Variants in COL25A1 observed in about 807,000 individuals in gnomAD.
COL25A1 encodes the protein collagen alpha-1(XXV) chain.
A neutral mutation model predicts 128.4 loss-of-function variants in COL25A1; 103 were observed. The ratio of observed to expected loss-of-function variants is 0.80; its 90% CI spans 0.68 to 0.94. The LOEUF is 0.94. COL25A1 is among the 40% of genes least tolerant of loss of function. The probability of loss-of-function intolerance (pLI) is 0.00; values close to 1 mark genes in which losing one functional copy is unlikely to be tolerated. For missense variants in COL25A1, 745 were observed against 840.0 expected (o/e 0.89, Z 1.40); for synonymous variants, 279 against 277.2 (o/e 1.01, Z -0.06).
chr4:108,874,466 T>G (rs993868198), intron 19 of COL25A1, among the ~76,000 whole-genome samples: 2 of 40,038 alleles, frequency 5.0e-5, no homozygotes, highest in Non-Finnish European at 1.3e-4. Flanking sequence ...ATCCAGAGGG[T>G]TTTTTTTATT....
intron 3 of COL25A1, among the ~76,000 whole-genome samples, chr4:109,082,200 T>C (rs1209079927): frequency 2.0e-5 from 3 of 152,220 alleles, no homozygotes; most frequent in Non-Finnish European, 4.4e-5. Context: ...TCTTCATCCA[T>C]TCATCAGCTG....
At chr4:109,012,806 C>G (rs946617274) in intron 5 of COL25A1, among the ~76,000 whole-genome samples, 1 of 152,226 alleles carries the variant, frequency 6.6e-6, no homozygotes, top group Non-Finnish European at 1.5e-5. Flanking sequence ...GGTGCCGCCC[C>G]CTGCTCCGCA....
intron 3 of COL25A1, among the ~76,000 whole-genome samples, chr4:109,102,612 A>G (rs953994921): frequency 3.9e-5 from 6 of 152,092 alleles, no homozygotes; most frequent in Non-Finnish European, 5.9e-5. Flanking sequence ...TCTGACTAAA[A>G]TTGTGGGATT....
At chr4:109,184,162 A>C (rs1774921749) in intron 3 of COL25A1, among the ~76,000 whole-genome samples, 2 of 152,160 alleles carry the variant, frequency 1.3e-5, no homozygotes, top group South Asian at 4.1e-4. Flanking sequence ...TTTTCAAGGA[A>C]TTTTGCTTAC....
At chr4:109,275,210 G>A (rs537989329) in intron 3 of COL25A1, among the ~76,000 whole-genome samples, 31 of 152,114 alleles carry the variant, frequency 2.0e-4, no homozygotes, top group Non-Finnish European at 3.2e-4. Flanking sequence ...ATGTAGCATG[G>A]CTGGGAAGCA....
At chr4:108,819,060 G>C (rs775389732) in intron 36 of COL25A1, among the ~76,000 whole-genome samples, 192 bp downstream of exon 36, 5 of 152,202 alleles carry the variant, frequency 3.3e-5, no homozygotes, top group Non-Finnish European at 7.3e-5. Flanking sequence ...AGATTAATTT[G>C]CATTCATTGA....
intron 3 of COL25A1, among the ~76,000 whole-genome samples, chr4:109,286,887 C>T (rs577309955): frequency 6.6e-6 from 1 of 152,294 alleles, no homozygotes; most frequent in Admixed American, 6.5e-5. Context: ...AGAGTCTGAT[C>T]CAACATTTAG....
intron 3 of COL25A1, among the ~76,000 whole-genome samples, chr4:109,178,528 TA>T (rs1191908600): frequency 2.0e-5 from 3 of 152,010 alleles, no homozygotes; most frequent in African/African-American, 4.8e-5. Flanking sequence ...TTTTCTCATC[TA>T]AAAAATGGAT....
intron 3 of COL25A1, among the ~76,000 whole-genome samples, chr4:109,201,657 G>A (rs56780155): frequency 0.035 from 5,287 of 152,168 alleles, 308 homozygotes; most frequent in African/African-American, 0.12. Flanking sequence ...GACAAGGAAA[G>A]GATATAAGAG....
At chr4:108,918,098 T>C in intron 13 of COL25A1, 74 bp downstream of exon 13, 2 of 881,200 alleles carry the variant, frequency 2.3e-6, no homozygotes, top group Non-Finnish European at 3.5e-6. Flanking sequence ...TTACTAACAT[T>C]ATGGACTAGA....
intron 3 of COL25A1, among the ~76,000 whole-genome samples, chr4:109,161,300 T>C (rs1384896075): frequency 5.3e-5 from 8 of 152,208 alleles, no homozygotes; most frequent in Non-Finnish European, 1.0e-4. Context: ...TATTCTATAG[T>C]GTATGGGACA....
chr4:108,896,273 C>T (rs906981692), intron 16 of COL25A1, among the ~76,000 whole-genome samples: 19 of 151,930 alleles, frequency 1.3e-4, no homozygotes, highest in Admixed American at 4.6e-4. Context: ...TCATTCCAAT[C>T]CTCTGACATG....
At chr4:108,951,131 T>A (rs1480142780) in intron 8 of COL25A1, among the ~76,000 whole-genome samples, 1 of 152,056 alleles carries the variant, frequency 6.6e-6, no homozygotes, top group Admixed American at 6.6e-5. Context: ...GCACACACAT[T>A]TTAGAGAAAT....
intron 3 of COL25A1, among the ~76,000 whole-genome samples, chr4:109,194,895 T>C (rs1775901721): frequency 6.6e-6 from 1 of 152,146 alleles, no homozygotes; most frequent in African/African-American, 2.4e-5. Flanking sequence ...CATCAAAACA[T>C]TGATGTGTTT....
At chr4:109,045,518 A>G (rs908049831) in intron 5 of COL25A1, among the ~76,000 whole-genome samples, 1 of 152,194 alleles carries the variant, frequency 6.6e-6, no homozygotes. Flanking sequence ...AATTTGTTAT[A>G]AAGCCACCTA....
At chr4:109,165,265 A>G (rs1382343452) in intron 3 of COL25A1, among the ~76,000 whole-genome samples, 1 of 152,198 alleles carries the variant, frequency 6.6e-6, no homozygotes, top group Non-Finnish European at 1.5e-5. Context: ...GTCCTCATGC[A>G]TGTAGGCTAA....
intron 3 of COL25A1, among the ~76,000 whole-genome samples, chr4:109,197,459 A>AATATTAT (rs1331312088): frequency 1.7e-5 from 2 of 116,670 alleles, no homozygotes; most frequent in South Asian, 2.3e-4. Context: ...ATTATATATA[A>AATATTAT]ATATTATATA....
At chr4:108,951,574 T>A (rs1256063694) in intron 8 of COL25A1, among the ~76,000 whole-genome samples, 1 of 151,936 alleles carries the variant, frequency 6.6e-6, no homozygotes, top group East Asian at 1.9e-4. Flanking sequence ...TTAGTAGAGA[T>A]GGGATTTCAT....
chr4:108,903,654 TG>T (rs1466834842), intron 13 of COL25A1, among the ~76,000 whole-genome samples: 2 of 152,078 alleles, frequency 1.3e-5, no homozygotes, highest in Non-Finnish European at 2.9e-5. Flanking sequence ...TGGCACTAAC[TG>T]CATATTTCTA....
Sources: gnomAD v4.1 joint callset for allele counts (sites outside exome capture counted in the v4.1 genomes callset) on GRCh38, gnomAD v4.1.1 for gene constraint, MANE v1.5 for transcripts, NCBI Gene and HGNC (gene_info 2026-07-23, HGNC 2026-07-21) for gene names.